Variants in SORCS3 observed in about 807,000 individuals in gnomAD.
SORCS3 encodes VPS10 domain-containing receptor SorCS3.
A neutral mutation model predicts 146.3 loss-of-function variants in SORCS3; 57 were observed. The ratio of observed to expected loss-of-function variants is 0.39; its 90% confidence interval spans 0.31 to 0.49. The LOEUF is 0.49. Ranked by LOEUF, SORCS3 falls within the 20% of genes least tolerant of loss-of-function variation. SORCS3 has a pLI of 0.92. For missense variants in SORCS3, 1,341 were observed against 1,575.5 expected (o/e 0.85, Z 2.52); for synonymous variants, 653 against 618.5 (o/e 1.06, Z -0.83).
At chr10:105,183,883 G>A (rs2056459134) in intron 14 of SORCS3, among the ~76,000 whole-genome samples, 1 of 152,158 alleles carries the variant, frequency 6.6e-6, no homozygotes, top group Admixed American at 6.6e-5. Flanking sequence ...GGGAGGGATG[G>A]TGTGGTGACT....
chr10:104,935,949 T>TG (rs1321773672), intron 3 of SORCS3, among the ~76,000 whole-genome samples: 5 of 152,034 alleles, frequency 3.3e-5, no homozygotes, highest in African/African-American at 9.7e-5. Flanking sequence ...GCTCAGGAGT[T>TG]GAGATTTTGT....
chr10:105,190,490 C>T (rs1206099981), intron 14 of SORCS3, among the ~76,000 whole-genome samples: 2 of 152,060 alleles, frequency 1.3e-5, no homozygotes, highest in Admixed American at 1.3e-4. Context: ...CCTCTGCCTC[C>T]CGGGTTTAAG....
At chr10:104,708,689 C>A (rs976702597) in intron 1 of SORCS3, among the ~76,000 whole-genome samples, 5 of 152,134 alleles carry the variant, frequency 3.3e-5, no homozygotes, top group Non-Finnish European at 7.3e-5. Context: ...TCTTCCCCCC[C>A]ATCATCAGTT....
intron 9 of SORCS3, among the ~76,000 whole-genome samples, chr10:105,156,787 G>T (rs1358838967): frequency 6.6e-6 from 1 of 152,148 alleles, no homozygotes; most frequent in Admixed American, 6.5e-5. Context: ...ATGTTTGCTG[G>T]AAGGGGTAAC....
chr10:105,164,285 G>T lies in SORCS3; in HGVS notation c.1733-18G>T. ...TGGTAAACTCCTGACAATCTCAAAT[G>T]ATCTGCTTATGTTTCAGGCAACATT... On this transcript the variant is annotated intron_variant, in intron 11 of 26. Coordinates refer to ENST00000369701, the MANE Select transcript of SORCS3 (RefSeq NM_014978.3). The T allele has an allele frequency of 6.2e-7, 1 of 1,602,904 alleles. No individual in the cohort carries two copies. The highest frequency in any genetic ancestry group is 8.5e-7 in the Non-Finnish European group (1 of 1,169,990).
intron 1 of SORCS3, among the ~76,000 whole-genome samples, chr10:104,686,541 A>T (rs1052034835): frequency 1.3e-5 from 2 of 151,986 alleles, no homozygotes; most frequent in Admixed American, 1.3e-4. Flanking sequence ...GACCAGTTCT[A>T]CTCTGAGGTA....
At chr10:105,178,302 C>T (rs538460455) in intron 14 of SORCS3, 129 bp downstream of exon 14, 2 of 623,384 alleles carry the variant, frequency 3.2e-6, no homozygotes, top group South Asian at 2.5e-5. Context: ...ATTTCCTCAT[C>T]TATAAAATGG....
At chr10:104,957,043 A>G (rs1302222222) in intron 3 of SORCS3, among the ~76,000 whole-genome samples, 1 of 152,182 alleles carries the variant, frequency 6.6e-6, no homozygotes, top group African/African-American at 2.4e-5. Context: ...CTCTGGACAG[A>G]ATGCTGGGTG....
chr10:104,847,588 C>CACAGGTGTGAGGTCTCT (rs1228594085), intron 2 of SORCS3, among the ~76,000 whole-genome samples: 12 of 152,152 alleles, frequency 7.9e-5, no homozygotes, highest in Admixed American at 5.9e-4. Flanking sequence ...GCAAGGTGTC[C>CACAGGTGTGAGGTCTCT]ACAGGTGTGA....
At chr10:104,790,382 A>G (rs1282286882) in intron 1 of SORCS3, among the ~76,000 whole-genome samples, 1 of 152,192 alleles carries the variant, frequency 6.6e-6, no homozygotes, top group Non-Finnish European at 1.5e-5. Flanking sequence ...AAAGGAAGAA[A>G]AAGTGTAGAG....
intron 25 of SORCS3, among the ~76,000 whole-genome samples, chr10:105,261,191 A>G (rs1224211404): frequency 2.0e-5 from 3 of 152,160 alleles, no homozygotes; most frequent in Non-Finnish European, 4.4e-5. Context: ...AACCAACACC[A>G]TATTTATTTC....
chr10:104,740,220 C>T (rs1241426587), intron 1 of SORCS3, among the ~76,000 whole-genome samples: 1 of 152,196 alleles, frequency 6.6e-6, no homozygotes, highest in East Asian at 1.9e-4. Context: ...TTCAAAAAAT[C>T]TGCCTGTACT....
Position 105,263,620 on chromosome 10 carries a change from G to A in SORCS3, c.*246G>A, listed in dbSNP as rs112584555. The stretch of plus-strand genomic sequence containing the variant: ...GGATGCATCTTCCCACAGCCTCCTC[G>A]CTTTACTCTGCCATTGGTAGCTTAA... On this transcript the variant is annotated 3_prime_UTR_variant, in exon 27 of 27. Coordinates refer to ENST00000369701, the MANE Select transcript of SORCS3 (RefSeq NM_014978.3). 216 of 466,166 alleles carry A rather than the reference G, an allele frequency of 4.6e-4. 2 individuals are homozygous for A. The highest frequency in any genetic ancestry group is 3.8e-3 in the African/African-American group (195 of 50,752). The allele number at this position is 466,166 out of a possible 1,614,324, so 28.9% of individuals were successfully genotyped here.
intron 2 of SORCS3, among the ~76,000 whole-genome samples, chr10:104,893,314 T>C (rs1425775490): frequency 6.6e-6 from 1 of 152,220 alleles, no homozygotes; most frequent in Non-Finnish European, 1.5e-5. Context: ...CAGGGACTTG[T>C]GGAATTAAAT....
intron 22 of SORCS3, 118 bp from the exon 23 acceptor site, chr10:105,252,657 A>G (rs2056907736): frequency 7.8e-7 from 1 of 1,281,814 alleles, no homozygotes; most frequent in Non-Finnish European, 1.1e-6. Flanking sequence ...GCCTGTGCCT[A>G]AAAAGCTGCA....
intron 4 of SORCS3, among the ~76,000 whole-genome samples, chr10:105,005,841 CAACATGGATATCTT>C (rs1012424839): frequency 5.3e-5 from 8 of 152,200 alleles, no homozygotes; most frequent in African/African-American, 1.4e-4. Context: ...CTTGATATCT[CAACATGGATATCTT>C]ATAAATATGC....
intron 20 of SORCS3, among the ~76,000 whole-genome samples, chr10:105,231,391 T>C (rs944459654): frequency 3.5e-4 from 54 of 152,332 alleles, no homozygotes; most frequent in African/African-American, 1.2e-3. Flanking sequence ...TATAATTATG[T>C]ATTAGTCCCA....
At chr10:104,782,499 A>T (rs921894249) in intron 1 of SORCS3, among the ~76,000 whole-genome samples, 1 of 152,238 alleles carries the variant, frequency 6.6e-6, no homozygotes, top group African/African-American at 2.4e-5. Context: ...AAAGATGTCT[A>T]GTCTAGTTCA....
At chr10:104,832,943 TTGG>T (rs2018018176) in intron 1 of SORCS3, among the ~76,000 whole-genome samples, 1 of 152,152 alleles carries the variant, frequency 6.6e-6, no homozygotes, top group Non-Finnish European at 1.5e-5. Flanking sequence ...GGACCATATT[TTGG>T]TGGGACCCAC....
Sources: allele counts gnomAD v4.1 joint callset (sites outside exome capture counted in the v4.1 genomes callset), GRCh38; gene constraint gnomAD v4.1.1; transcripts MANE v1.5; gene names NCBI Gene and HGNC (gene_info 2026-07-23, HGNC 2026-07-21).